Variants in CAMK2D observed in about 807,000 individuals in gnomAD.
CAMK2D encodes calcium/calmodulin dependent protein kinase II delta.
In CAMK2D, 37 loss-of-function variants were observed where a neutral mutation model predicts 84.0. The observed-to-expected ratio is 0.44, with a 90% CI of 0.34 to 0.58. The LOEUF (loss-of-function observed/expected upper bound fraction) is 0.58, where lower values mean the gene tolerates loss of function less well. Among genes scored for constraint, CAMK2D ranks in the 20% least tolerant of loss-of-function variants. The pLI, the probability that CAMK2D is intolerant of heterozygous loss-of-function variation, is 0.02. For missense variants in CAMK2D, 448 were observed against 652.5 expected, an observed-to-expected ratio of 0.69 and a Z score of 3.41; for synonymous variants, 202 against 212.5, an observed-to-expected ratio of 0.95 and a Z score of 0.43.
chr4:113,597,233 C>A (rs909768635), intron 4 of CAMK2D, among the ~76,000 whole-genome samples: 1 of 152,212 alleles, frequency 6.6e-6, no homozygotes, highest in African/African-American at 2.4e-5. Flanking sequence ...TTTAAAACTT[C>A]TTGTCTCAAG....
At chr4:113,688,029 A>C (rs1343371802) in intron 2 of CAMK2D, among the ~76,000 whole-genome samples, 2 of 152,240 alleles carry the variant, frequency 1.3e-5, no homozygotes, top group Middle Eastern at 3.2e-3. Context: ...GCTCAGCAAA[A>C]TAAAAGCATT....
At chr4:113,515,020 A>G in intron 10 of CAMK2D, 49 bp downstream of exon 10, 6 of 1,528,756 alleles carry the variant, frequency 3.9e-6, no homozygotes, top group Non-Finnish European at 5.4e-6. Context: ...ATTAAAGGAG[A>G]GCTTATTTTT....
chr4:113,722,363 C>T (rs1006661261), intron 2 of CAMK2D, among the ~76,000 whole-genome samples: 2 of 152,078 alleles, frequency 1.3e-5, no homozygotes, highest in Non-Finnish European at 2.9e-5. Context: ...TTTACTAAAG[C>T]AGTAAAACAC....
At position 113,664,959 on chromosome 4, in the gene CAMK2D, A is replaced by G. The variant is rs775803125; in HGVS notation, c.161-3187T>C. On this transcript the variant is annotated intron_variant, in intron 2 of 20. Coordinates refer to ENST00000511664, the MANE Select transcript of CAMK2D (RefSeq NM_001321571.2). ...GCTGGCATTGCAGGCACCTGCCACC[A>G]TGCCCAGCTAATTTTTGTATTTTTG... Among the ~76,000 whole-genome samples the G allele has an allele frequency of 5.7e-4, 87 of 152,162 alleles. 2 individuals carry two copies. Among genetic ancestry groups the G allele is most frequent in the Non-Finnish European group, 5.0e-4 (34 of 68,026 alleles).
intron 4 of CAMK2D, among the ~76,000 whole-genome samples, chr4:113,570,461 T>C (rs547327755): frequency 5.7e-4 from 87 of 152,214 alleles, no homozygotes; most frequent in African/African-American, 1.8e-3. Flanking sequence ...CACAGACCAA[T>C]AGAAGAGAAC....
chr4:113,485,542 A>G (rs1008640781), intron 16 of CAMK2D, among the ~76,000 whole-genome samples: 2 of 152,208 alleles, frequency 1.3e-5, no homozygotes, highest in African/African-American at 4.8e-5. Flanking sequence ...CTCCCTTTAG[A>G]CATAGTCTTA....
chr4:113,696,981 GAACT>G (rs2154345371), intron 2 of CAMK2D, among the ~76,000 whole-genome samples: 1 of 152,204 alleles, frequency 6.6e-6, no homozygotes, highest in East Asian at 1.9e-4. Flanking sequence ...AGCATAATAA[GAACT>G]AACACTTGGA....
At chr4:113,455,193 A>G (rs1387533630) in intron 20 of CAMK2D, among the ~76,000 whole-genome samples, 2 of 152,202 alleles carry the variant, frequency 1.3e-5, no homozygotes, top group Non-Finnish European at 2.9e-5. Context: ...TCAACTTTCA[A>G]TTATCCTCTG....
intron 4 of CAMK2D, among the ~76,000 whole-genome samples, chr4:113,601,657 C>A (rs1170558746): frequency 7.9e-6 from 1 of 127,152 alleles, no homozygotes; most frequent in Non-Finnish European, 1.6e-5. Flanking sequence ...AAATATAATG[C>A]ATTTTATGTA....
At chr4:113,510,780 T>C (rs2098201347) in intron 12 of CAMK2D, among the ~76,000 whole-genome samples, 1 of 152,200 alleles carries the variant, frequency 6.6e-6, no homozygotes, top group Non-Finnish European at 1.5e-5. Context: ...TTCATTGATT[T>C]GGGCCATTAT....
intron 8 of CAMK2D, among the ~76,000 whole-genome samples, chr4:113,526,443 T>TGTGTGTGTGC (rs1553930491): frequency 6.6e-6 from 1 of 151,986 alleles, no homozygotes; most frequent in African/African-American, 2.4e-5. Context: ...TGTGTGTGTG[T>TGTGTGTGTGC]GCATGCATGT....
chr4:113,661,085 G>A (rs1056996137), intron 3 of CAMK2D, among the ~76,000 whole-genome samples: 7 of 152,072 alleles, frequency 4.6e-5, no homozygotes, highest in Non-Finnish European at 7.4e-5. Flanking sequence ...ATGAGCCACC[G>A]CGCCCGGCCT....
intron 16 of CAMK2D, among the ~76,000 whole-genome samples, chr4:113,499,936 T>C (rs1021643083): frequency 7.2e-5 from 11 of 152,118 alleles, no homozygotes; most frequent in Non-Finnish European, 1.5e-4. Context: ...TAAAAGAACC[T>C]TGGCAACCAA....
At chr4:113,460,519 C>CT (rs778966181) in intron 17 of CAMK2D, among the ~76,000 whole-genome samples, 48 of 151,890 alleles carry the variant, frequency 3.2e-4, no homozygotes, top group Non-Finnish European at 5.7e-4. Flanking sequence ...ATAATTTCTA[C>CT]TTTTTTATTT....
At chr4:113,604,105 G>A (rs1326517287) in intron 4 of CAMK2D, among the ~76,000 whole-genome samples, 1 of 151,970 alleles carries the variant, frequency 6.6e-6, no homozygotes, top group Non-Finnish European at 1.5e-5. Context: ...CAGGAAATAT[G>A]TACAAGCACC....
intron 2 of CAMK2D, among the ~76,000 whole-genome samples, chr4:113,713,730 T>C (rs1323210228): frequency 6.6e-6 from 1 of 151,484 alleles, no homozygotes; most frequent in Non-Finnish European, 1.5e-5. Context: ...ATTTTTTCTA[T>C]AAGGACTTCT....
At chr4:113,749,864 T>C (rs2099613297) in intron 2 of CAMK2D, among the ~76,000 whole-genome samples, 1 of 152,230 alleles carries the variant, frequency 6.6e-6, no homozygotes, top group Non-Finnish European at 1.5e-5. Flanking sequence ...ACAAATTAAT[T>C]TATAGAGTTA....
At chr4:113,516,382 G>A (rs1457392947) in intron 9 of CAMK2D, among the ~76,000 whole-genome samples, 2 of 152,034 alleles carry the variant, frequency 1.3e-5, no homozygotes, top group South Asian at 4.1e-4. Flanking sequence ...CATGAAGAAA[G>A]GTGAACATTT....
At chr4:113,667,720 A>G (rs978492081) in intron 2 of CAMK2D, among the ~76,000 whole-genome samples, 1 of 152,244 alleles carries the variant, frequency 6.6e-6, no homozygotes, top group African/African-American at 2.4e-5. Flanking sequence ...ATTTAACAAA[A>G]AGTTTTAAAA....
Sources: allele counts gnomAD v4.1 joint callset (sites outside exome capture counted in the v4.1 genomes callset), GRCh38; gene constraint gnomAD v4.1.1; transcripts MANE v1.5; gene names NCBI Gene and HGNC (gene_info 2026-07-23, HGNC 2026-07-21).